Variants in MGAT4C observed in about 807,000 individuals in gnomAD.
MGAT4C encodes the protein MGAT4 family member C.
A neutral mutation model predicts 40.1 loss-of-function variants in MGAT4C; 19 were observed. That is an observed-to-expected ratio of 0.47 (90% CI 0.33 to 0.70). The LOEUF is 0.70. MGAT4C is among the 30% of genes least tolerant of loss of function. The pLI is 0.02. For synonymous variants in MGAT4C, 181 were observed against 187.1 expected (o/e 0.97, Z 0.27); for missense variants, 491 against 563.2 (o/e 0.87, Z 1.30).
intron 4 of MGAT4C, among the ~76,000 whole-genome samples, chr12:86,293,988 G>A (rs1953596501): frequency 6.6e-6 from 1 of 152,004 alleles, no homozygotes; most frequent in Non-Finnish European, 1.5e-5. Flanking sequence ...TTTCTTCTTT[G>A]ATTCTTTTGC....
chr12:86,442,303 A>G (rs1592852698), intron 2 of MGAT4C, among the ~76,000 whole-genome samples: 2 of 152,068 alleles, frequency 1.3e-5, no homozygotes, highest in African/African-American at 4.8e-5. Context: ...TTGCCTGTTC[A>G]CTCTGATGCT....
chr12:86,602,283 G>A (rs1253588821), intron 2 of MGAT4C, among the ~76,000 whole-genome samples: 2 of 152,140 alleles, frequency 1.3e-5, no homozygotes, highest in African/African-American at 4.8e-5. Flanking sequence ...GGCGCCAGTG[G>A]CCACAGAGGT....
rs1171355867 is a variant in MGAT4C, at chr12:86,654,943, G to A, written c.-229+72266C>T. On this transcript the variant is annotated intron_variant, in intron 2 of 7. Transcript: ENST00000548651. ...TGAAAATAAATAAATTATAGAACAT[G>A]AGTAAAAATTTGCATTAAGGTGAGG... is the stretch of plus-strand genomic sequence containing the variant. 2.6e-5 allele frequency among the ~76,000 whole-genome samples: 4 copies of A among 151,990 alleles called. No homozygotes were observed. In the East Asian group the frequency reaches 7.8e-4, roughly 29 times the overall value.
At chr12:86,227,717 T>C (rs1382016625) in intron 1 of MGAT4C, among the ~76,000 whole-genome samples, 1 of 151,928 alleles carries the variant, frequency 6.6e-6, no homozygotes, top group Non-Finnish European at 1.5e-5. Flanking sequence ...ATAAATGTAT[T>C]TGAGAGGATA....
intron 2 of MGAT4C, among the ~76,000 whole-genome samples, chr12:86,541,450 G>T (rs2136385778): frequency 6.6e-6 from 1 of 152,160 alleles, no homozygotes; most frequent in South Asian, 2.1e-4. Flanking sequence ...AGTTCAAAAT[G>T]ATTTCACCCA....
At chr12:86,329,610 G>T (rs1954612141) in intron 4 of MGAT4C, among the ~76,000 whole-genome samples, 1 of 152,044 alleles carries the variant, frequency 6.6e-6, no homozygotes, top group Non-Finnish European at 1.5e-5. Context: ...ATCAACATCT[G>T]CAATGTACTT....
Position 85,961,963 on chromosome 12 carries a change from G to A in MGAT4C, c.*17326C>T, listed in dbSNP as rs912254988. On this transcript the variant is annotated 3_prime_UTR_variant, in exon 5 of 5. Transcript: ENST00000611864. ...GCAGTGAGACTGTGTGCTATGTCCA[G>A]TTTTATTCATTTCTTTTGTGTATCT... 2.6e-5 allele frequency: 4 copies of A among 151,802 alleles called. No homozygotes were observed. Among genetic ancestry groups the A allele is most frequent in the African/African-American group, 9.7e-5 (4 of 41,412 alleles). The allele number at this position is 151,802 out of a possible 1,614,324, so 9.4% of individuals were successfully genotyped here. A position where few individuals can be genotyped will look rare whatever the true frequency, so the allele number is the denominator to read the frequency against.
At chr12:86,528,344 A>C (rs1042451832) in intron 2 of MGAT4C, among the ~76,000 whole-genome samples, 1 of 152,106 alleles carries the variant, frequency 6.6e-6, no homozygotes, top group South Asian at 2.1e-4. Context: ...GTTTCACTCT[A>C]TTTCTCAGAG....
intron 1 of MGAT4C, among the ~76,000 whole-genome samples, chr12:86,824,051 C>T (rs779384863): frequency 1.5e-4 from 22 of 151,360 alleles, no homozygotes; most frequent in Non-Finnish European, 3.3e-4. Context: ...AAATCTTCCA[C>T]TGTCCTGCAC....
At chr12:86,348,505 T>A (rs1437443692) in intron 3 of MGAT4C, among the ~76,000 whole-genome samples, 1 of 152,134 alleles carries the variant, frequency 6.6e-6, no homozygotes, top group East Asian at 1.9e-4. Context: ...CTTAAGTAAT[T>A]TCCTCACAAA....
At chr12:86,429,002 C>T in intron 3 of MGAT4C, among the ~76,000 whole-genome samples, 1 of 151,626 alleles carries the variant, frequency 6.6e-6, no homozygotes, top group East Asian at 1.9e-4. Context: ...TAACTTTGGG[C>T]CTAGTTTGTT....
chr12:86,795,110 A>G (rs987666830), intron 1 of MGAT4C, among the ~76,000 whole-genome samples: 1 of 152,016 alleles, frequency 6.6e-6, no homozygotes, highest in Non-Finnish European at 1.5e-5. Flanking sequence ...TGTTTTCAAA[A>G]TACATAAACC....
In MGAT4C at chr12:86,008,123, G is replaced by T. The variant is rs148411647; in HGVS notation, c.-6-18571C>A. Among the ~76,000 whole-genome samples the T allele has an allele frequency of 2.4e-4, 37 of 151,978 alleles. 2 individuals carry two copies. The East Asian group carries it at 7.1e-3, about 29-fold the overall frequency. ...TACTATGGAAGTTTTATCATCAATT[G>T]TCAATTTTGACAAAAACAATCTAGA... is the stretch of plus-strand genomic sequence containing the variant. On this transcript the variant is annotated intron_variant, in intron 2 of 4. Coordinates refer to ENST00000611864, the MANE Select transcript of MGAT4C (RefSeq NM_001351288.2).
chr12:86,269,549 A>G (rs1430952000), intron 4 of MGAT4C, among the ~76,000 whole-genome samples: 1 of 151,402 alleles, frequency 6.6e-6, no homozygotes, highest in East Asian at 1.9e-4. Flanking sequence ...AAACTCTCCA[A>G]TTCAGGTTTT....
intron 1 of MGAT4C, among the ~76,000 whole-genome samples, chr12:86,802,104 C>T (rs138944194): frequency 2.2e-4 from 33 of 152,036 alleles, no homozygotes; most frequent in Non-Finnish European, 4.1e-4. Flanking sequence ...GTATAATTGA[C>T]ACCTGTGTAA....
intron 2 of MGAT4C, among the ~76,000 whole-genome samples, chr12:86,679,890 T>C (rs1206400852): frequency 6.6e-6 from 1 of 152,054 alleles, no homozygotes; most frequent in Non-Finnish European, 1.5e-5. Flanking sequence ...CTAGTTTGGA[T>C]CTGCCATATA....
At chr12:86,440,535 A>C (rs573686358) in intron 2 of MGAT4C, among the ~76,000 whole-genome samples, 174 of 152,250 alleles carry the variant, frequency 1.1e-3, no homozygotes, top group African/African-American at 4.1e-3. Flanking sequence ...TGAATGGGGA[A>C]AAGAAGAAAA....
At chr12:86,146,471 T>G (rs1447251726) in intron 1 of MGAT4C, among the ~76,000 whole-genome samples, 1 of 152,160 alleles carries the variant, frequency 6.6e-6, no homozygotes, top group Non-Finnish European at 1.5e-5. Flanking sequence ...TCCCCTGGAC[T>G]GAGAATTGGA....
chr12:86,226,710 G>T (rs1951094049), intron 1 of MGAT4C, among the ~76,000 whole-genome samples: 1 of 151,814 alleles, frequency 6.6e-6, no homozygotes, highest in Admixed American at 6.6e-5. Context: ...CCTACTTTAT[G>T]ATCTGATTTC....
Sources: gnomAD v4.1 joint callset for allele counts (sites outside exome capture counted in the v4.1 genomes callset) on GRCh38, gnomAD v4.1.1 for gene constraint, MANE v1.5 for transcripts, NCBI Gene and HGNC (gene_info 2026-07-23, HGNC 2026-07-21) for gene names.